GPR176: variants seen among roughly 807,000 people sequenced by gnomAD.
GPR176 encodes the protein G-protein coupled receptor 176.
Under a neutral mutation model 35.4 loss-of-function variants are expected in GPR176, and 26 were observed. The observed-to-expected ratio is 0.74, with a 90% CI of 0.54 to 1.02. The LOEUF (loss-of-function observed/expected upper bound fraction) is 1.02. GPR176 is among the 50% of genes least tolerant of loss of function. The pLI, the probability that GPR176 is intolerant of heterozygous loss-of-function variation, is 0.00. For missense variants in GPR176, 597 were observed against 665.3 expected, an observed-to-expected ratio of 0.90 and a Z score of 1.13; for synonymous variants, 278 against 271.3, an observed-to-expected ratio of 1.02 and a Z score of -0.24.
chr15:39,819,251 G>A lies in GPR176; in HGVS notation c.173-11993C>T, dbSNP rs577359084. ...ACTACACAGGCTATCTTACCAACAG[G>A]CCCTTGCCTATATTAAATTACTCAT... On this transcript the variant is annotated intron_variant, in intron 1 of 2. Transcript: ENST00000561100. 2.0e-5 allele frequency among the ~76,000 whole-genome samples: 3 copies of A among 152,242 alleles called. No homozygotes were observed. In the South Asian group the frequency reaches 6.2e-4, roughly 32 times the overall value.
rs1898915516 is a variant in GPR176 at position 39,802,073 on chromosome 15, G to A, written c.607C>T (p.Leu203=). The A allele has an allele frequency of 1.2e-6, 2 of 1,614,126 alleles. No homozygotes were observed. The highest frequency in any genetic ancestry group is 1.7e-6 in the Non-Finnish European group (2 of 1,179,996). ...TEVWSNSLGH[L]VYVLVYNITT... ...ATGTTATACACCAGAACGTACACCA[G>A]GTGGCCCAAGGAGTTGCTCCAGACT... is the stretch of plus-strand genomic sequence containing the variant. The change falls in exon 3 of 3, where the codon CTG becomes TTG. Residue 203 remains leucine (L), a synonymous_variant. Coordinates refer to ENST00000561100, the MANE Select transcript of GPR176 (RefSeq NM_007223.3).
intron 1 of GPR176, among the ~76,000 whole-genome samples, chr15:39,881,927 C>T (rs1480603325): frequency 6.6e-6 from 1 of 152,186 alleles, no homozygotes; most frequent in Non-Finnish European, 1.5e-5. Context: ...ATTCCATTTG[C>T]CAGTGTGTTT....
At chr15:39,867,067 G>T (rs555585013) in intron 1 of GPR176, among the ~76,000 whole-genome samples, 1 of 152,194 alleles carries the variant, frequency 6.6e-6, no homozygotes, top group Non-Finnish European at 1.5e-5. Context: ...ACAAAGTCAT[G>T]AGGAGTCCAG....
chr15:39,896,791 A>C (rs7163303), intron 1 of GPR176, among the ~76,000 whole-genome samples: 1 of 152,154 alleles, frequency 6.6e-6, no homozygotes, highest in Admixed American at 6.5e-5. Flanking sequence ...ACCTGCCTAT[A>C]ATCTCAGCTA....
At chr15:39,836,703 T>A (rs575167055) in intron 1 of GPR176, among the ~76,000 whole-genome samples, 40 of 152,212 alleles carry the variant, frequency 2.6e-4, no homozygotes, top group African/African-American at 9.6e-4. Context: ...GGCTATAAAG[T>A]TCACATAAAT....
At chr15:39,815,820 T>C (rs905850524) in intron 1 of GPR176, among the ~76,000 whole-genome samples, 1 of 151,094 alleles carries the variant, frequency 6.6e-6, no homozygotes, top group African/African-American at 2.4e-5. Flanking sequence ...GGAAATGAAA[T>C]CAGTATCTAA....
At chr15:39,883,343 T>C (rs1188808526) in intron 1 of GPR176, among the ~76,000 whole-genome samples, 1 of 152,150 alleles carries the variant, frequency 6.6e-6, no homozygotes, top group African/African-American at 2.4e-5. Context: ...TTCACTGATA[T>C]GAGAAACGTT....
At chr15:39,913,645 C>G (rs943010613) in intron 1 of GPR176, among the ~76,000 whole-genome samples, 1 of 152,046 alleles carries the variant, frequency 6.6e-6, no homozygotes, top group African/African-American at 2.4e-5. Flanking sequence ...GTGCTACTAC[C>G]GAAGGATACA....
At chr15:39,831,220 C>G (rs981933855) in intron 1 of GPR176, among the ~76,000 whole-genome samples, 10 of 152,188 alleles carry the variant, frequency 6.6e-5, no homozygotes, top group African/African-American at 2.4e-4. Context: ...GCCAACCTCT[C>G]TGCATCTCCT....
intron 1 of GPR176, among the ~76,000 whole-genome samples, chr15:39,883,190 A>G (rs2032544748): frequency 6.6e-6 from 1 of 152,220 alleles, no homozygotes; most frequent in Non-Finnish European, 1.5e-5. Flanking sequence ...GAACCATCAT[A>G]CATTTACTGC....
At chr15:39,810,139 CAAA>C (rs1217329545) in intron 1 of GPR176, among the ~76,000 whole-genome samples, 3 of 66,328 alleles carry the variant, frequency 4.5e-5, no homozygotes, top group Non-Finnish European at 9.2e-5. Context: ...GACTCCGTCT[CAAA>C]AAAAAAAAAA....
chr15:39,839,682 C>T (rs1209845882), intron 1 of GPR176, among the ~76,000 whole-genome samples: 10 of 151,996 alleles, frequency 6.6e-5, no homozygotes, highest in South Asian at 2.1e-4. Flanking sequence ...ACCATCAGAG[C>T]GAACAGGCAA....
At chr15:39,851,226 A>G (rs1442776289) in intron 1 of GPR176, among the ~76,000 whole-genome samples, 1 of 152,138 alleles carries the variant, frequency 6.6e-6, no homozygotes, top group East Asian at 1.9e-4. Flanking sequence ...TTTGGATGTA[A>G]CTCATTGCCC....
chr15:39,817,795 C>T (rs58367323), intron 1 of GPR176, among the ~76,000 whole-genome samples: 3,356 of 152,244 alleles, frequency 0.022, 148 homozygotes, highest in African/African-American at 0.074. Context: ...AAAAAAGGCA[C>T]TGTTAAGCTC....
rs769645892 is a variant in GPR176 at position 39,803,271 on chromosome 15, C to CTTTTTT, written c.426-1023_426-1018dup. Among the ~76,000 whole-genome samples, 25 of 85,542 alleles carry CTTTTTT rather than the reference C, an allele frequency of 2.9e-4. 3 individuals are homozygous for CTTTTTT. The highest frequency in any genetic ancestry group is 4.6e-4 in the South Asian group (1 of 2,172). The allele number at this position is 85,542 out of a possible 152,430, so 56.1% of individuals were successfully genotyped here. A position where few individuals can be genotyped will look rare whatever the true frequency, so the allele number is the denominator to read the frequency against. ...ATAAGCTTTCAGATAACAAGTACTT[C>CTTTTTT]TTTTTTTTTTTTTTTTTTTTTTTTT... is the stretch of plus-strand genomic sequence containing the variant. On this transcript the variant is annotated intron_variant, in intron 2 of 2. Coordinates refer to ENST00000561100, the MANE Select transcript of GPR176 (RefSeq NM_007223.3).
At chr15:39,832,450 A>T (rs978657862) in intron 1 of GPR176, among the ~76,000 whole-genome samples, 2 of 152,158 alleles carry the variant, frequency 1.3e-5, no homozygotes, top group Non-Finnish European at 2.9e-5. Flanking sequence ...TCAAAAGTCC[A>T]AAGTGATTCT....
chr15:39,913,196 G>C (rs1994864), intron 1 of GPR176, among the ~76,000 whole-genome samples: 59,172 of 152,038 alleles, frequency 0.39, 11,847 homozygotes, highest in Non-Finnish European at 0.44. Context: ...AAAAAAGCCA[G>C]TCACAAAAGA....
At chr15:39,890,260 A>G (rs1413556292) in intron 1 of GPR176, among the ~76,000 whole-genome samples, 1 of 152,242 alleles carries the variant, frequency 6.6e-6, no homozygotes, top group Non-Finnish European at 1.5e-5. Context: ...AATTAAGCTC[A>G]GCAAGTGCCA....
At chr15:39,873,850 A>T (rs1034133710) in intron 1 of GPR176, among the ~76,000 whole-genome samples, 3 of 151,920 alleles carry the variant, frequency 2.0e-5, no homozygotes, top group African/African-American at 7.2e-5. Flanking sequence ...CTACATCTTT[A>T]TCACCAAGCA....
Sources: gnomAD v4.1 joint callset for allele counts (sites outside exome capture counted in the v4.1 genomes callset) on GRCh38, gnomAD v4.1.1 for gene constraint, MANE v1.5 for transcripts, NCBI Gene and HGNC (gene_info 2026-07-23, HGNC 2026-07-21) for gene names.